The following YWHAG variants were observed in gnomAD, a reference collection of about 807,000 sequenced individuals.
YWHAG encodes tyrosine 3-monooxygenase/tryptophan 5-monooxygenase activation protein gamma, also known as 14-3-3 protein gamma.
In YWHAG, 1 loss-of-function variant was observed where a neutral mutation model predicts 23.3. The ratio of observed to expected loss-of-function variants is 0.04; its 90% CI spans 0.02 to 0.20. YWHAG has a LOEUF of 0.20. YWHAG is among the 10% of genes least tolerant of loss of function. The pLI is 1.00. For missense variants in YWHAG, 151 were observed against 338.6 expected, an observed-to-expected ratio of 0.45 and a Z score of 4.35; for synonymous variants, 160 against 144.0, an observed-to-expected ratio of 1.11 and a Z score of -0.80.
At chr7:76,353,347 G>A (rs1803901848) in intron 1 of YWHAG, among the ~76,000 whole-genome samples, 1 of 152,034 alleles carries the variant, frequency 6.6e-6, no homozygotes, top group African/African-American at 2.4e-5. Flanking sequence ...CAAGTAGCTA[G>A]GATTACAGGT....
At position 76,329,753 on chromosome 7, in the gene YWHAG, G is replaced by T; in HGVS notation, c.568C>A (p.Pro190Thr). ...TTGGCCAAGTGGCACGCTTGCTCTG[G>T]GGCGTTCTGGATCTCATAGTAGAAG... Reference protein sequence around the residue: ...SVFYYEIQNAPEQACHLAKTA... With the variant: ...SVFYYEIQNATEQACHLAKTA... Residue 190 changes from proline to threonine, a missense_variant, in exon 2 of 2, where the codon CCA becomes ACA. By Grantham distance (38) the Pro-to-Thr change is conservative. Coordinates refer to ENST00000307630, the MANE Select transcript of YWHAG (RefSeq NM_012479.4). This position sits in a 1 kb window ranked among gnomAD's most constrained non-coding sequence, Gnocchi z 6.1. The T allele has an allele frequency of 6.2e-7, 1 of 1,614,114 alleles. No homozygotes were observed. Among genetic ancestry groups the T allele is most frequent in the Non-Finnish European group, 8.5e-7 (1 of 1,180,030 alleles).
chr7:76,337,680 G>A (rs1233243524), intron 1 of YWHAG, among the ~76,000 whole-genome samples: 4 of 151,514 alleles, frequency 2.6e-5, no homozygotes, highest in African/African-American at 7.3e-5. Flanking sequence ...GTCTACAGGC[G>A]CCCACCACCA....
At chr7:76,344,616 T>A (rs1383724551) in intron 1 of YWHAG, among the ~76,000 whole-genome samples, 1 of 152,230 alleles carries the variant, frequency 6.6e-6, no homozygotes, top group African/African-American at 2.4e-5. Context: ...TGATCTTTGC[T>A]TCTACAATTT....
rs1804010635 is a variant in YWHAG at position 76,358,987 on chromosome 7, G to C, written c.-179C>G. The C allele has an allele frequency of 8.2e-6, 4 of 488,780 alleles. No individual in the cohort carries two copies. Among genetic ancestry groups the C allele is most frequent in the Non-Finnish European group, 1.4e-5 (4 of 289,120 alleles). The allele number at this position is 488,780 out of a possible 1,614,324, so 30.3% of individuals were successfully genotyped here. A position where few individuals can be genotyped will look rare whatever the true frequency, so the allele number is the denominator to read the frequency against. ...CGACCGCGGGACCGGGCGCGAGGCG[G>C]CTGCGGCTGCTGTGCGTGCCACTGA... On this transcript the variant is annotated 5_prime_UTR_variant, in exon 1 of 2. Transcript: ENST00000307630.
intron 1 of YWHAG, among the ~76,000 whole-genome samples, chr7:76,331,412 C>T (rs574902569): frequency 6.6e-6 from 1 of 152,116 alleles, no homozygotes; most frequent in Non-Finnish European, 1.5e-5. Flanking sequence ...CAGGTAGGGA[C>T]CTAGAATCCA....
Position 76,329,547 on chromosome 7 carries a change from T to C in YWHAG, c.*30A>G. On this transcript the variant is annotated 3_prime_UTR_variant, in exon 2 of 2. Transcript: ENST00000307630. This position sits in a 1 kb window ranked among gnomAD's most constrained non-coding sequence, Gnocchi z 6.1. ...AAAAATAAAGACTGCAGTAGTAGCA[T>C]CCGCGTGCGCTGCCAGTTCCCCTGG... 7.5e-7 allele frequency: 1 copy of C among 1,328,850 alleles called. No homozygotes were observed. Among genetic ancestry groups the C allele is most frequent in the Non-Finnish European group, 1.0e-6 (1 of 1,003,322 alleles). The allele number at this position is 1,328,850 out of a possible 1,614,324, so 82.3% of individuals were successfully genotyped here.
At chr7:76,331,286 G>GGGAGAGGAAA (rs1803537698) in intron 1 of YWHAG, among the ~76,000 whole-genome samples, 1 of 150,188 alleles carries the variant, frequency 6.7e-6, no homozygotes, top group Admixed American at 6.6e-5. Flanking sequence ...GCTGGGGATG[G>GGGAGAGGAAA]GGAGAGGAGA....
intron 1 of YWHAG, among the ~76,000 whole-genome samples, chr7:76,355,802 A>G (rs1214087056): frequency 6.6e-6 from 1 of 152,146 alleles, no homozygotes; most frequent in Admixed American, 6.5e-5. Flanking sequence ...GTAACCCTGA[A>G]CCTTTTCTCC....
intron 1 of YWHAG, among the ~76,000 whole-genome samples, chr7:76,346,488 G>A (rs1803781100): frequency 6.6e-6 from 1 of 152,190 alleles, no homozygotes; most frequent in Non-Finnish European, 1.5e-5. Flanking sequence ...ACTGTGCCAG[G>A]GCACTGTTAC....
Position 76,358,891 on chromosome 7 carries a change from G to A in YWHAG, c.-83C>T, listed in dbSNP as rs181932274. ...CTTGGAGGGCGCGACTGGAGCCCAA[G>A]TGCCGGAGAGGACCGACCCACAGAG... On this transcript the variant is annotated 5_prime_UTR_variant, in exon 1 of 2. Transcript: ENST00000307630. 1,275 of 1,360,202 alleles carry A rather than the reference G, an allele frequency of 9.4e-4. 7 individuals carry two copies. Among genetic ancestry groups the A allele is most frequent in the South Asian group, 3.0e-3 (216 of 72,618 alleles). 84.3% of individuals were successfully genotyped at this position (1,360,202 alleles called of 1,614,324 possible).
intron 1 of YWHAG, among the ~76,000 whole-genome samples, chr7:76,350,896 G>C (rs542076438): frequency 2.8e-4 from 43 of 152,126 alleles, no homozygotes; most frequent in African/African-American, 9.6e-4. Context: ...TGAAATCAGG[G>C]ACCATCTATA....
At chr7:76,332,268 T>C (rs1300154779) in intron 1 of YWHAG, among the ~76,000 whole-genome samples, 1 of 152,202 alleles carries the variant, frequency 6.6e-6, no homozygotes, top group Non-Finnish European at 1.5e-5. Context: ...TCCTCCTGCA[T>C]GAATAAACAC....
chr7:76,330,726 A>C (rs1803530356), intron 1 of YWHAG, among the ~76,000 whole-genome samples: 1 of 152,228 alleles, frequency 6.6e-6, no homozygotes, highest in South Asian at 2.1e-4. Flanking sequence ...AACCTCAGGG[A>C]GTCCAAATAA....
At chr7:76,340,263 A>G (rs1295492929) in intron 1 of YWHAG, among the ~76,000 whole-genome samples, 1 of 152,264 alleles carries the variant, frequency 6.6e-6, no homozygotes, top group Non-Finnish European at 1.5e-5. Context: ...CTCTACAAAT[A>G]TAACCTATGG....
At chr7:76,338,895 G>A (rs1312272090) in intron 1 of YWHAG, among the ~76,000 whole-genome samples, 4 of 152,162 alleles carry the variant, frequency 2.6e-5, no homozygotes, top group Admixed American at 2.0e-4. Context: ...GCATTCACAC[G>A]ACATTTCTAG....
chr7:76,355,863 A>G (rs943942592), intron 1 of YWHAG, among the ~76,000 whole-genome samples: 4 of 152,204 alleles, frequency 2.6e-5, no homozygotes, highest in African/African-American at 9.7e-5. Context: ...TCAAGAGACT[A>G]GTAAAAGTCA....
At chr7:76,343,596 A>AC (rs1803731757) in intron 1 of YWHAG, among the ~76,000 whole-genome samples, 1 of 151,996 alleles carries the variant, frequency 6.6e-6, no homozygotes, top group Non-Finnish European at 1.5e-5. Flanking sequence ...ATTCCTCCTG[A>AC]TTCTGTCATT....
At position 76,335,137 on chromosome 7, in the gene YWHAG, A is replaced by G. The variant is rs146159501; in HGVS notation, c.88-4904T>C. 5.3e-5 allele frequency among the ~76,000 whole-genome samples: 8 copies of G among 152,262 alleles called. No individual in the cohort carries two copies. The East Asian group carries it at 1.4e-3, about 26-fold the overall frequency. ...CAGTGGCACAATCCCGGCTCACTGC[A>G]ACCTCTGCCTCCTGGGTTCAAGCGA... On this transcript the variant is annotated intron_variant, in intron 1 of 1. Coordinates refer to ENST00000307630, the MANE Select transcript of YWHAG (RefSeq NM_012479.4).
intron 1 of YWHAG, among the ~76,000 whole-genome samples, chr7:76,334,975 T>G (rs1472448032): frequency 2.6e-5 from 4 of 152,244 alleles, no homozygotes; most frequent in Non-Finnish European, 4.4e-5. Flanking sequence ...TCAGTTTTTA[T>G]TCCCCAGAGT....
Sources: gnomAD v4.1 joint callset for allele counts (sites outside exome capture counted in the v4.1 genomes callset) on GRCh38, gnomAD v4.1.1 for gene constraint, Gnocchi (gnomAD v3.1) non-coding constraint, MANE v1.5 for transcripts, NCBI Gene and HGNC (gene_info 2026-07-23, HGNC 2026-07-21) for gene names.